DGKB: variants seen among roughly 807,000 people sequenced by gnomAD.
DGKB encodes the protein 90 kDa diacylglycerol kinase.
A neutral mutation model predicts 114.3 loss-of-function variants in DGKB; 67 were observed. The observed-to-expected ratio is 0.59, with a 90% CI of 0.48 to 0.72. DGKB has a LOEUF of 0.72. Ranked by LOEUF, DGKB falls within the 30% of genes least tolerant of loss-of-function variation. DGKB has a pLI of 0.00. For missense variants in DGKB, 907 were observed against 975.2 expected (o/e 0.93, Z 0.93); for synonymous variants, 398 against 323.1 (o/e 1.23, Z -2.49).
At chr7:14,283,027 AG>A (rs1168664193) in intron 23 of DGKB, among the ~76,000 whole-genome samples, 11 of 151,836 alleles carry the variant, frequency 7.2e-5, no homozygotes, top group Non-Finnish European at 5.9e-5. Context: ...ATTAGTCAGG[AG>A]AAGGAAATAA....
chr7:14,196,139 G>C (rs535711404), intron 23 of DGKB, among the ~76,000 whole-genome samples: 85 of 152,220 alleles, frequency 5.6e-4, no homozygotes, highest in African/African-American at 1.9e-3. Context: ...TTTCTGCTTA[G>C]AACAGTGTGT....
chr7:14,788,682 C>T (rs1157359888), intron 2 of DGKB, among the ~76,000 whole-genome samples: 1 of 152,242 alleles, frequency 6.6e-6, no homozygotes, highest in East Asian at 1.9e-4. Flanking sequence ...CCCTGGAAAA[C>T]ACAATCAAGT....
intron 2 of DGKB, among the ~76,000 whole-genome samples, chr7:14,810,359 T>C (rs1562595141): frequency 2.0e-5 from 3 of 151,164 alleles, no homozygotes; most frequent in Non-Finnish European, 4.4e-5. Context: ...TCATTGTTAT[T>C]CTCAGCCATG....
chr7:14,526,324 C>T (rs1255428947), intron 20 of DGKB, among the ~76,000 whole-genome samples: 1 of 152,002 alleles, frequency 6.6e-6, no homozygotes, highest in African/African-American at 2.4e-5. Flanking sequence ...TCATAAGATA[C>T]CAGTAGCACT....
At chr7:14,762,294 C>T (rs924408163) in intron 2 of DGKB, among the ~76,000 whole-genome samples, 28 of 152,050 alleles carry the variant, frequency 1.8e-4, no homozygotes, top group Admixed American at 1.6e-3. Context: ...CTTTCTATCA[C>T]CTGCTCTGGT....
intron 2 of DGKB, among the ~76,000 whole-genome samples, chr7:14,792,227 A>C (rs1010895959): frequency 6.6e-6 from 1 of 152,158 alleles, no homozygotes; most frequent in Non-Finnish European, 1.5e-5. Flanking sequence ...TATTATTTGC[A>C]GTAATTATGC....
chr7:14,500,007 G>A (rs1248578523), intron 20 of DGKB, among the ~76,000 whole-genome samples: 3 of 151,722 alleles, frequency 2.0e-5, no homozygotes, highest in Non-Finnish European at 4.4e-5. Flanking sequence ...GTTGAACCAG[G>A]ACTACTATAA....
In DGKB at chr7:14,218,166, A is replaced by C. The variant is rs546594460; in HGVS notation, c.2123-40015T>G. Reference sequence around the variant, plus strand: ...GATTATGTAAAATTTGAGAGAAAAGAATAATCAGTTTCAATACGAGGTATT... The same window carrying C: ...GATTATGTAAAATTTGAGAGAAAAGCATAATCAGTTTCAATACGAGGTATT... On this transcript the variant is annotated intron_variant, in intron 23 of 25. Coordinates refer to ENST00000402815, the MANE Select transcript of DGKB (RefSeq NM_001350709.2). Among the ~76,000 whole-genome samples, 5 of 152,242 alleles carry C rather than the reference A, an allele frequency of 3.3e-5. No homozygotes were observed. In the East Asian group the frequency reaches 9.7e-4, roughly 30 times the overall value.
chr7:14,795,897 T>C (rs1055452727), intron 2 of DGKB, among the ~76,000 whole-genome samples: 2 of 152,168 alleles, frequency 1.3e-5, no homozygotes, highest in Admixed American at 6.6e-5. Flanking sequence ...TGCATGAATT[T>C]CAAAAATGTT....
chr7:14,532,333 G>T (rs573373417), intron 20 of DGKB, among the ~76,000 whole-genome samples: 1 of 150,074 alleles, frequency 6.7e-6, no homozygotes, highest in Admixed American at 6.7e-5. Flanking sequence ...TGAATCAAAT[G>T]TCAGAGATTG....
chr7:14,411,679 C>G (rs1406849655), intron 21 of DGKB, among the ~76,000 whole-genome samples: 3 of 10,732 alleles, frequency 2.8e-4, no homozygotes, highest in South Asian at 2.5e-3. Flanking sequence ...ATAATACACA[C>G]ATCTTAACAC....
intron 10 of DGKB, 57 bp downstream of exon 10, chr7:14,685,188 G>A: frequency 8.7e-7 from 1 of 1,153,170 alleles, no homozygotes; most frequent in South Asian, 1.3e-5. Flanking sequence ...ACTATTCCAT[G>A]AAATCAACCT....
intron 23 of DGKB, among the ~76,000 whole-genome samples, chr7:14,257,315 G>T (rs1796095642): frequency 6.6e-6 from 1 of 152,020 alleles, no homozygotes; most frequent in Non-Finnish European, 1.5e-5. Flanking sequence ...ACAAAACACA[G>T]ACATTTTTAT....
intron 13 of DGKB, among the ~76,000 whole-genome samples, chr7:14,644,134 T>C (rs990136735): frequency 5.3e-5 from 8 of 149,852 alleles, no homozygotes; most frequent in African/African-American, 2.0e-4. Flanking sequence ...AAAAAAATCA[T>C]ATGGAGAATA....
chr7:14,407,992 C>A (rs950797925), intron 21 of DGKB, among the ~76,000 whole-genome samples: 4 of 152,124 alleles, frequency 2.6e-5, no homozygotes, highest in Non-Finnish European at 4.4e-5. Context: ...TCCCCCAATC[C>A]TCACAAACCA....
chr7:14,797,357 A>G (rs1841543598), intron 2 of DGKB, among the ~76,000 whole-genome samples: 1 of 152,160 alleles, frequency 6.6e-6, no homozygotes, highest in Non-Finnish European at 1.5e-5. Flanking sequence ...CCTTTTCCCA[A>G]AGGACCTATG....
chr7:14,517,434 A>G (rs1789004869), intron 20 of DGKB, among the ~76,000 whole-genome samples: 1 of 151,984 alleles, frequency 6.6e-6, no homozygotes, highest in South Asian at 2.1e-4. Flanking sequence ...AAGCAATTGC[A>G]AAAAGAAAAA....
chr7:14,311,536 C>T (rs1233888912), intron 23 of DGKB, among the ~76,000 whole-genome samples: 2 of 152,146 alleles, frequency 1.3e-5, no homozygotes, highest in East Asian at 1.9e-4. Context: ...GATCCTCCCA[C>T]CTCAGTCTCC....
At chr7:14,539,604 T>A (rs1286631294) in intron 20 of DGKB, among the ~76,000 whole-genome samples, 1 of 152,110 alleles carries the variant, frequency 6.6e-6, no homozygotes, top group African/African-American at 2.4e-5. Flanking sequence ...AAAATCTCAT[T>A]TGTAATTTCA....
Sources: allele counts gnomAD v4.1 joint callset (sites outside exome capture counted in the v4.1 genomes callset), GRCh38; gene constraint gnomAD v4.1.1; transcripts MANE v1.5; gene names NCBI Gene and HGNC (gene_info 2026-07-23, HGNC 2026-07-21).